SNTB1: variants seen among roughly 807,000 people sequenced by gnomAD.
SNTB1 encodes beta-1-syntrophin.
SNTB1 carries 36 observed loss-of-function variants against 48.9 expected under a neutral mutation model. The observed-to-expected ratio is 0.74, with a 90% CI of 0.56 to 0.97. The LOEUF (loss-of-function observed/expected upper bound fraction) is 0.97. SNTB1 is among the 50% of genes least tolerant of loss of function. SNTB1 has a pLI of 0.00. For missense variants in SNTB1, 786 were observed against 703.4 expected (o/e 1.12, Z -1.33); for synonymous variants, 299 against 294.6 (o/e 1.01, Z -0.15).
intron 1 of SNTB1, among the ~76,000 whole-genome samples, chr8:120,698,607 C>T (rs1238622125): frequency 6.6e-6 from 1 of 151,796 alleles, no homozygotes; most frequent in African/African-American, 2.4e-5. Context: ...ATTTCTGGTA[C>T]AGAGGAAGTA....
chr8:120,639,782 C>G (rs371605101), intron 2 of SNTB1, among the ~76,000 whole-genome samples: 9 of 152,168 alleles, frequency 5.9e-5, no homozygotes, highest in African/African-American at 1.7e-4. Flanking sequence ...GTTACTATAG[C>G]CTTGTAGTAC....
At chr8:120,652,848 C>T (rs1469368910) in intron 2 of SNTB1, among the ~76,000 whole-genome samples, 6 of 152,174 alleles carry the variant, frequency 3.9e-5, no homozygotes, top group African/African-American at 7.2e-5. Flanking sequence ...GAAAAAACTA[C>T]ATTAGTGAAC....
chr8:120,662,826 T>G (rs1260662265), intron 2 of SNTB1, among the ~76,000 whole-genome samples: 2 of 152,098 alleles, frequency 1.3e-5, no homozygotes, highest in Non-Finnish European at 2.9e-5. Flanking sequence ...TGAAAGAGGT[T>G]AGATTTTTGG....
intron 6 of SNTB1, among the ~76,000 whole-genome samples, chr8:120,539,172 C>T (rs1233742462): frequency 2.0e-5 from 3 of 152,164 alleles, no homozygotes; most frequent in East Asian, 1.9e-4. Flanking sequence ...ATCTTTTTTC[C>T]GAAATAGTTC....
At position 120,539,115 on chromosome 8, in the gene SNTB1, A is replaced by G. The variant is rs776283762; in HGVS notation, c.1525-146T>C. 20 of 601,658 alleles carry G rather than the reference A, an allele frequency of 3.3e-5. 1 individual carries two copies. Among genetic ancestry groups the G allele is most frequent in the South Asian group, 3.1e-4 (15 of 48,232 alleles). The allele number at this position is 601,658 out of a possible 1,614,324, so 37.3% of individuals were successfully genotyped here. ...TATGCTCTAAAATCACTGCCCCTCA[A>G]TGAGATAAAGGAACAACTCTTTGAA... On this transcript the variant is annotated intron_variant, in intron 6 of 6. Coordinates refer to ENST00000517992, the MANE Select transcript of SNTB1 (RefSeq NM_021021.4).
rs148763216 is a variant in SNTB1 at position 120,666,191 on chromosome 8, G to C, written c.788+27501C>G. On this transcript the variant is annotated intron_variant, in intron 2 of 6. Transcript: ENST00000517992. ...CATTATGTAGTTATTCCTTTCCGCA[G>C]ATACATATTTCTATTTGATGTAATT... Among the ~76,000 whole-genome samples, 848 of 152,314 alleles carry C rather than the reference G, an allele frequency of 5.6e-3. 7 individuals carry two copies. The highest frequency in any genetic ancestry group is 0.019 in the African/African-American group (792 of 41,586).
intron 2 of SNTB1, among the ~76,000 whole-genome samples, chr8:120,693,068 T>C (rs1410015231): frequency 6.6e-6 from 1 of 152,078 alleles, no homozygotes; most frequent in Non-Finnish European, 1.5e-5. Flanking sequence ...ACAAGTTACA[T>C]GGGAAGAGAG....
intron 1 of SNTB1, among the ~76,000 whole-genome samples, chr8:120,789,196 G>C (rs926155312): frequency 6.6e-6 from 1 of 151,908 alleles, no homozygotes; most frequent in Non-Finnish European, 1.5e-5. Flanking sequence ...TGAAATGAAT[G>C]ATCACAGTGA....
At chr8:120,779,218 T>G (rs1819789830) in intron 1 of SNTB1, among the ~76,000 whole-genome samples, 1 of 152,120 alleles carries the variant, frequency 6.6e-6, no homozygotes, top group Non-Finnish European at 1.5e-5. Context: ...AAAAATAAAC[T>G]GTAAGGCTGG....
At chr8:120,611,758 G>C (rs1725578975) in intron 3 of SNTB1, among the ~76,000 whole-genome samples, 2 of 147,818 alleles carry the variant, frequency 1.4e-5, no homozygotes, top group Admixed American at 1.4e-4. Flanking sequence ...GGAGGCAGAG[G>C]TTGCAGTGAG....
chr8:120,784,546 G>A (rs978089451), intron 1 of SNTB1, among the ~76,000 whole-genome samples: 1 of 152,072 alleles, frequency 6.6e-6, no homozygotes, highest in Non-Finnish European at 1.5e-5. Context: ...ACAGCTGTCC[G>A]GACAAAGGAG....
intron 1 of SNTB1, among the ~76,000 whole-genome samples, chr8:120,763,432 T>C (rs1819458596): frequency 6.6e-6 from 1 of 152,206 alleles, no homozygotes; most frequent in Non-Finnish European, 1.5e-5. Context: ...TAGCTTGTAG[T>C]TACACTGGTC....
chr8:120,708,376 C>T (rs145060643), intron 1 of SNTB1, among the ~76,000 whole-genome samples: 15 of 152,002 alleles, frequency 9.9e-5, no homozygotes, highest in Non-Finnish European at 2.1e-4. Context: ...TCTACCAAAT[C>T]GTTAAAGAAC....
intron 1 of SNTB1, among the ~76,000 whole-genome samples, chr8:120,745,888 C>T (rs1294035783): frequency 1.3e-5 from 2 of 152,196 alleles, no homozygotes; most frequent in Non-Finnish European, 2.9e-5. Flanking sequence ...GTTACTCCGT[C>T]ATGCACCCTA....
At chr8:120,800,005 A>G (rs972875869) in intron 1 of SNTB1, among the ~76,000 whole-genome samples, 3 of 152,090 alleles carry the variant, frequency 2.0e-5, no homozygotes, top group Non-Finnish European at 4.4e-5. Context: ...CACTTAAAAG[A>G]TATCACATTA....
chr8:120,677,744 A>G (rs1364676063), intron 2 of SNTB1, among the ~76,000 whole-genome samples: 1 of 152,150 alleles, frequency 6.6e-6, no homozygotes, highest in Non-Finnish European at 1.5e-5. Context: ...TCCTCATTTC[A>G]TATATTCAAA....
At chr8:120,586,904 A>C (rs573945025) in intron 3 of SNTB1, among the ~76,000 whole-genome samples, 1 of 152,224 alleles carries the variant, frequency 6.6e-6, no homozygotes, top group Non-Finnish European at 1.5e-5. Context: ...ATTGTTTTTT[A>C]TTTTCCTCTA....
rs767142813 is a variant in SNTB1, at chr8:120,811,694, G to T, written c.150C>A (p.Ser50Arg). ...NLSEDALVLS[S>R]EEGAAAYNGI... ...CGTTGTACGCCGCAGCGCCCTCCTC[G>T]CTGCTCAGAACCAGGGCGTCCTCGC... is the stretch of plus-strand genomic sequence containing the variant. Residue 50 changes from serine to arginine, a missense_variant, in exon 1 of 7, where the codon AGC becomes AGA. Transcript: ENST00000517992. The T allele has an allele frequency of 3.8e-5, 60 of 1,588,258 alleles. No individual in the cohort carries two copies. Among genetic ancestry groups the T allele is most frequent in the Non-Finnish European group, 5.1e-5 (60 of 1,171,446 alleles).
chr8:120,569,188 C>G (rs1563819670), intron 4 of SNTB1, among the ~76,000 whole-genome samples: 1 of 152,142 alleles, frequency 6.6e-6, no homozygotes, highest in African/African-American at 2.4e-5. Flanking sequence ...ACCATGTTGG[C>G]CAGCTGGCCT....
Sources: gnomAD v4.1 joint callset for allele counts (sites outside exome capture counted in the v4.1 genomes callset) on GRCh38, gnomAD v4.1.1 for gene constraint, MANE v1.5 for transcripts, NCBI Gene and HGNC (gene_info 2026-07-23, HGNC 2026-07-21) for gene names.